CASP6: variants seen among roughly 807,000 people sequenced by gnomAD.
The protein encoded by CASP6 is caspase-6.
A neutral mutation model predicts 31.8 loss-of-function variants in CASP6; 20 were observed. The ratio of observed to expected loss-of-function variants is 0.63; its 90% CI spans 0.44 to 0.91. The LOEUF (loss-of-function observed/expected upper bound fraction) is 0.91. CASP6 is among the 40% of genes least tolerant of loss of function. CASP6 has a pLI of 0.00. For synonymous variants in CASP6, 130 were observed against 127.8 expected (o/e 1.02, Z -0.12); for missense variants, 328 against 361.1 (o/e 0.91, Z 0.74).
chr4:109,675,774 T>C, the CASP6 span, among the ~76,000 whole-genome samples: 2 of 152,184 alleles, frequency 1.3e-5, no homozygotes, highest in Non-Finnish European at 2.9e-5. Flanking sequence ...GGCAGTAGGT[T>C]CCTTATAAAA....
intron 3 of CASP6, among the ~76,000 whole-genome samples, chr4:109,697,334 T>G (rs1224138377): frequency 6.6e-6 from 1 of 152,118 alleles, no homozygotes; most frequent in African/African-American, 2.4e-5. Flanking sequence ...TGCAGTGGCA[T>G]GATCACAGCT....
intron 6 of CASP6, among the ~76,000 whole-genome samples, chr4:109,690,481 C>T (rs1247707866): frequency 6.6e-6 from 1 of 151,310 alleles, no homozygotes; most frequent in African/African-American, 2.4e-5. Flanking sequence ...ATGATCATGC[C>T]ATTGCACTTC....
intron 4 of CASP6, among the ~76,000 whole-genome samples, chr4:109,694,908 CT>C (rs1280156338): frequency 6.6e-6 from 1 of 152,208 alleles, no homozygotes; most frequent in African/African-American, 2.4e-5. Context: ...TCTTGGCTCA[CT>C]GCAACCTCCA....
chr4:109,674,888 G>A, the CASP6 span, among the ~76,000 whole-genome samples: 1 of 152,196 alleles, frequency 6.6e-6, no homozygotes, highest in Non-Finnish European at 1.5e-5. Context: ...CATAAGAATT[G>A]TAAACATTGA....
At chr4:109,704,936 C>G (rs1730550925), upstream of CASP6, among the ~76,000 whole-genome samples, 1 of 152,168 alleles carries the variant, frequency 6.6e-6, no homozygotes, top group South Asian at 2.1e-4. Flanking sequence ...AACTCCTGAC[C>G]TTGAGCAATC....
chr4:109,697,413 C>T (rs572452526), intron 3 of CASP6, among the ~76,000 whole-genome samples: 196 of 150,774 alleles, frequency 1.3e-3, no homozygotes, highest in Middle Eastern at 6.9e-3. Context: ...CTGGGACTAC[C>T]GCCACCATGC....
At chr4:109,681,806 ACAG>A in the CASP6 span, among the ~76,000 whole-genome samples, 46 of 152,338 alleles carry the variant, frequency 3.0e-4, no homozygotes, top group Non-Finnish European at 5.0e-4. Flanking sequence ...CGGCGGCAAA[ACAG>A]CAGTGGTGGA....
At chr4:109,703,634 G>A (rs1016305958), upstream of CASP6, 2 of 566,220 alleles carry the variant, frequency 3.5e-6, no homozygotes, top group South Asian at 2.3e-5. Context: ...GGGGCAGGGA[G>A]AGGTACGCGG....
Position 109,689,152 on chromosome 4 carries a change from TGC to T in CASP6, c.*176_*177del. 1.8e-6 allele frequency: 1 copy of T among 558,144 alleles called. No homozygotes were observed. The highest frequency in any genetic ancestry group is 3.2e-6 in the Non-Finnish European group (1 of 311,712). 34.6% of individuals were successfully genotyped at this position (558,144 alleles called of 1,614,324 possible). On this transcript the variant is annotated 3_prime_UTR_variant, in exon 7 of 7. Transcript: ENST00000265164. The stretch of plus-strand genomic sequence containing the variant: ...CGCCATGCCTAGCTAAATTTTTTTT[TGC>T]ATTTTTAGTAGAGACGGGGCTTCTC...
At chr4:109,706,062 A>T (rs1730603426), upstream of CASP6, among the ~76,000 whole-genome samples, 1 of 122,896 alleles carries the variant, frequency 8.1e-6, no homozygotes, top group Admixed American at 9.0e-5. Flanking sequence ...ATAAATATTT[A>T]AAAATTATAT....
At chr4:109,691,870 C>T (rs895574307) in intron 5 of CASP6, 1 of 152,128 alleles carries the variant, frequency 6.6e-6, no homozygotes, top group Non-Finnish European at 1.5e-5. Flanking sequence ...ACAAGATGGC[C>T]ACCTACAAGC....
chr4:109,708,878 CTCTT>C, the CASP6 span, among the ~76,000 whole-genome samples: 1 of 152,192 alleles, frequency 6.6e-6, no homozygotes, highest in East Asian at 1.9e-4. Context: ...TAATTTTAGC[CTCTT>C]AAAGCAACAG....
downstream of CASP6, chr4:109,687,475 CTTCT>C: frequency 7.1e-7 from 1 of 1,411,754 alleles, no homozygotes; most frequent in African/African-American, 1.4e-5. Context: ...GTATGTTTCT[CTTCT>C]TTCTGATCAC....
At chr4:109,677,641 C>T in the CASP6 span, among the ~76,000 whole-genome samples, 1 of 151,966 alleles carries the variant, frequency 6.6e-6, no homozygotes, top group African/African-American at 2.4e-5. Flanking sequence ...CAGTGGGTTC[C>T]TTAATAAAGG....
At chr4:109,685,149 G>A (rs1436726231), downstream of CASP6, 2 of 626,590 alleles carry the variant, frequency 3.2e-6, no homozygotes, top group Admixed American at 2.4e-5. Context: ...TCATTCATCT[G>A]CCTTCTTTTG....
chr4:109,671,065 G>A, the CASP6 span, among the ~76,000 whole-genome samples: 15 of 152,218 alleles, frequency 9.9e-5, no homozygotes, highest in Non-Finnish European at 1.5e-4. Context: ...CAATTTTGGC[G>A]ACAGCAATTT....
intron 6 of CASP6, among the ~76,000 whole-genome samples, chr4:109,689,837 A>C (rs567537654): frequency 3.9e-5 from 6 of 152,294 alleles, no homozygotes; most frequent in South Asian, 2.1e-4. Context: ...TTGAGACATG[A>C]GATTACTAAA....
the CASP6 span, among the ~76,000 whole-genome samples, chr4:109,677,503 A>T: frequency 2.6e-5 from 4 of 152,340 alleles, no homozygotes; most frequent in African/African-American, 9.6e-5. Flanking sequence ...TGTCCCTCAA[A>T]ATTCATGTGT....
At chr4:109,687,435 T>G, downstream of CASP6, 1 of 967,588 alleles carries the variant, frequency 1.0e-6, no homozygotes, top group Non-Finnish European at 1.6e-6. Context: ...GACGCTAAGT[T>G]TATAGAATTC....
Sources: gnomAD v4.1 joint callset for allele counts (sites outside exome capture counted in the v4.1 genomes callset) on GRCh38, gnomAD v4.1.1 for gene constraint, MANE v1.5 for transcripts, NCBI Gene and HGNC (gene_info 2026-07-23, HGNC 2026-07-21) for gene names.